Variants in CISTR observed in about 807,000 individuals in gnomAD.
CISTR encodes the protein chondrogenic regulator lncRNA.
At position 53,751,604 on chromosome 12, in the gene CISTR, A is replaced by G. The variant is rs1331703538; in HGVS notation, n.415-639T>C. 6.6e-6 allele frequency among the ~76,000 whole-genome samples: 1 copy of G among 151,760 alleles called. No individual in the cohort carries two copies. The highest frequency in any genetic ancestry group is 6.5e-5 in the Admixed American group (1 of 15,268). The stretch of plus-strand genomic sequence containing the variant: ...CGCGGACTCATTACGGCTGCAGCCA[A>G]TTTCATGCCAGCGCCGAGCACTGGC... On this transcript the variant is annotated intron_variant and non_coding_transcript_variant, in intron 1 of 2. Transcript: ENST00000669269. The surrounding 1 kb of genome is among the most constrained non-coding windows in gnomAD (Gnocchi z 4.6).
chr12:53,751,545 A>C lies in CISTR; in HGVS notation n.415-580T>G, dbSNP rs906354692. Among the ~76,000 whole-genome samples the C allele has an allele frequency of 6.6e-6, 1 of 151,822 alleles. No homozygotes were observed. The highest frequency in any genetic ancestry group is 1.5e-5 in the Non-Finnish European group (1 of 67,962). On this transcript the variant is annotated intron_variant and non_coding_transcript_variant, in intron 1 of 2. Coordinates refer to ENST00000669269, the Ensembl canonical transcript of CISTR. This position sits in a 1 kb window ranked among gnomAD's most constrained non-coding sequence, Gnocchi z 4.6. ...AAACAAGCTAAACGAGGCGCGCAGG[A>C]CTCCCTGGTGGGCCCTCAGCCTCCT...
intron 1 of CISTR, among the ~76,000 whole-genome samples, chr12:53,753,094 A>ACAC (rs1439748044): frequency 4.0e-5 from 1 of 25,182 alleles, no homozygotes; most frequent in Non-Finnish European, 1.1e-4. Flanking sequence ...ACACACAGAG[A>ACAC]GAGACACACG....
At chr12:53,750,065 A>T (rs989925717) in intron 2 of CISTR, among the ~76,000 whole-genome samples, 3 of 152,126 alleles carry the variant, frequency 2.0e-5, no homozygotes, top group African/African-American at 7.2e-5. Context: ...GCATCTGATG[A>T]TCTTGGGCAC....
At chr12:53,752,935 G>T (rs1186359848) in intron 1 of CISTR, among the ~76,000 whole-genome samples, 1 of 152,150 alleles carries the variant, frequency 6.6e-6, no homozygotes, top group East Asian at 1.9e-4. Context: ...TCATGGGACT[G>T]TGTCCTCTTG....
intron 2 of CISTR, among the ~76,000 whole-genome samples, chr12:53,748,791 G>A (rs1055415453): frequency 6.6e-6 from 1 of 152,196 alleles, no homozygotes; most frequent in African/African-American, 2.4e-5. Flanking sequence ...AAGCAGAGAA[G>A]GGGAGGGAGA....
intron 2 of CISTR, among the ~76,000 whole-genome samples, chr12:53,749,327 A>T (rs1297589114): frequency 6.6e-6 from 1 of 151,864 alleles, no homozygotes; most frequent in Non-Finnish European, 1.5e-5. Flanking sequence ...TATATAAAAG[A>T]CAGGGAGCAG....
At chr12:53,749,147 G>A (rs1937816715) in intron 2 of CISTR, among the ~76,000 whole-genome samples, 1 of 152,142 alleles carries the variant, frequency 6.6e-6, no homozygotes, top group Middle Eastern at 3.4e-3. Context: ...GGAAGTTAGA[G>A]AAAGACTGAG....
rs1037291429 is a variant in CISTR, at chr12:53,756,443, A to T, written n.414+371T>A. 6.6e-6 allele frequency among the ~76,000 whole-genome samples: 1 copy of T among 152,092 alleles called. No homozygotes were observed. The highest frequency in any genetic ancestry group is 2.4e-5 in the African/African-American group (1 of 41,392). ...AGGTTTTATTTTATTTTAAATAGAGATGGGGGTCTTGCTATGTTGCTCAGG... is the reference window on the plus strand; with the variant it reads ...AGGTTTTATTTTATTTTAAATAGAGTTGGGGGTCTTGCTATGTTGCTCAGG... On this transcript the variant is annotated intron_variant and non_coding_transcript_variant, in intron 1 of 2. Coordinates refer to ENST00000669269, the Ensembl canonical transcript of CISTR. The surrounding 1 kb of genome is among the most constrained non-coding windows in gnomAD (Gnocchi z 4.0).
At chr12:53,752,075 C>A (rs866062378) in intron 1 of CISTR, among the ~76,000 whole-genome samples, 3 of 152,098 alleles carry the variant, frequency 2.0e-5, no homozygotes, top group Non-Finnish European at 4.4e-5. Context: ...ACTCTGCAGC[C>A]GGGCTCCTCG....
At chr12:53,753,666 GTGT>G (rs1254831541) in intron 1 of CISTR, among the ~76,000 whole-genome samples, 1 of 16,018 alleles carries the variant, frequency 6.2e-5, no homozygotes, top group East Asian at 9.5e-4. Context: ...ATGCATAGGG[GTGT>G]GTGTGTGTGT....
In CISTR at chr12:53,753,995, T is replaced by C. The variant is rs146534758; in HGVS notation, n.414+2819A>G. Among the ~76,000 whole-genome samples the C allele has an allele frequency of 3.5e-3, 536 of 152,196 alleles. 2 individuals carry two copies. The highest frequency in any genetic ancestry group is 5.8e-3 in the Non-Finnish European group (396 of 68,004). ...CGTGGGGCGTGAAGATGAATGAGTC[T>C]GTATTTCATGGGCTAGTGAACCATG... On this transcript the variant is annotated intron_variant and non_coding_transcript_variant, in intron 1 of 2. Transcript: ENST00000669269.
chr12:53,749,334 G>A (rs911785014), intron 2 of CISTR, among the ~76,000 whole-genome samples: 1 of 151,668 alleles, frequency 6.6e-6, no homozygotes, highest in Non-Finnish European at 1.5e-5. Context: ...AAGACAGGGA[G>A]CAGAGAGTGC....
Position 53,755,508 on chromosome 12 carries a change from A to G in CISTR, n.414+1306T>C, listed in dbSNP as rs554853427. Among the ~76,000 whole-genome samples the G allele has an allele frequency of 3.0e-4, 45 of 152,294 alleles. No individual in the cohort carries two copies. In the South Asian group the frequency reaches 6.0e-3, roughly 20 times the overall value. Reference sequence around the variant, plus strand: ...TATCTAAAGTCCAGGATCTGGCTCAATGTCTTTTGTAAAAGATGTGTGTAT... The same window carrying G: ...TATCTAAAGTCCAGGATCTGGCTCAGTGTCTTTTGTAAAAGATGTGTGTAT... On this transcript the variant is annotated intron_variant and non_coding_transcript_variant, in intron 1 of 2. Coordinates refer to ENST00000669269, the Ensembl canonical transcript of CISTR.
At chr12:53,747,581 G>A (rs1360596954) in intron 2 of CISTR, among the ~76,000 whole-genome samples, 3 of 152,116 alleles carry the variant, frequency 2.0e-5, no homozygotes, top group African/African-American at 4.8e-5. Context: ...CTTGGCAGGT[G>A]TAGCTGGGGA....
chr12:53,747,440 A>C (rs931112269), intron 2 of CISTR, among the ~76,000 whole-genome samples: 2 of 152,106 alleles, frequency 1.3e-5, no homozygotes, highest in Non-Finnish European at 2.9e-5. Context: ...CAGTGGGCCA[A>C]GCTCCGTGGG....
At chr12:53,748,269 C>T (rs976104060) in intron 2 of CISTR, among the ~76,000 whole-genome samples, 1 of 152,220 alleles carries the variant, frequency 6.6e-6, no homozygotes, top group Non-Finnish European at 1.5e-5. Context: ...GCCGCCCGCC[C>T]TCTTCCCTCT....
intron 1 of CISTR, among the ~76,000 whole-genome samples, chr12:53,755,444 C>T (rs1359055005): frequency 6.6e-6 from 1 of 152,028 alleles, no homozygotes; most frequent in African/African-American, 2.4e-5. Context: ...TTCTACATTT[C>T]TTTTGCTGAC....
In CISTR at chr12:53,751,835, T is replaced by C. The variant is rs78223769; in HGVS notation, n.415-870A>G. On this transcript the variant is annotated intron_variant and non_coding_transcript_variant, in intron 1 of 2. Transcript: ENST00000669269. This position sits in a 1 kb window ranked among gnomAD's most constrained non-coding sequence, Gnocchi z 4.6. ...CACCAGAGCGGCCGGCTGGAGAGTCTAGCTTGCTTTTTAGGGTCTCTCTCC... is the reference window on the plus strand; with the variant it reads ...CACCAGAGCGGCCGGCTGGAGAGTCCAGCTTGCTTTTTAGGGTCTCTCTCC... The C allele has an allele frequency of 6.5e-6, 1 of 152,788 alleles. No homozygotes were observed. Among genetic ancestry groups the C allele is most frequent in the East Asian group, 1.9e-4 (1 of 5,166 alleles). 9.5% of individuals were successfully genotyped at this position (152,788 alleles called of 1,614,324 possible).
At chr12:53,753,559 T>C (rs2120739101) in intron 1 of CISTR, among the ~76,000 whole-genome samples, 1 of 152,048 alleles carries the variant, frequency 6.6e-6, no homozygotes, top group South Asian at 2.1e-4. Flanking sequence ...GCAGCAAAAC[T>C]GAAAGAAGAG....
Sources: gnomAD v4.1 joint callset for allele counts (sites outside exome capture counted in the v4.1 genomes callset) on GRCh38, gnomAD v4.1.1 for gene constraint, Gnocchi (gnomAD v3.1) non-coding constraint, MANE v1.5 for transcripts, NCBI Gene and HGNC (gene_info 2026-07-23, HGNC 2026-07-21) for gene names.